Variants in ODAD2 observed in about 807,000 individuals in gnomAD.
ODAD2 encodes outer dynein arm docking complex subunit 2, also known as outer dynein arm-docking complex subunit 2.
A neutral mutation model predicts 106.8 loss-of-function variants in ODAD2; 89 were observed. That is an observed-to-expected ratio of 0.83 (90% CI 0.70 to 0.99). The LOEUF is 0.99. ODAD2 is among the 50% of genes least tolerant of loss of function. The pLI is 0.00. For synonymous variants in ODAD2, 404 were observed against 436.2 expected (o/e 0.93, Z 0.92); for missense variants, 1,168 against 1,238.5 (o/e 0.94, Z 0.85).
At chr10:27,820,859 T>G (rs990999994) in intron 19 of ODAD2, among the ~76,000 whole-genome samples, 1 of 149,872 alleles carries the variant, frequency 6.7e-6, no homozygotes, top group African/African-American at 2.5e-5. Context: ...CTCAGCTCAC[T>G]GCAACCTCTG....
At chr10:27,865,367 T>C (rs1183416804) in intron 17 of ODAD2, among the ~76,000 whole-genome samples, 1 of 152,230 alleles carries the variant, frequency 6.6e-6, no homozygotes, top group Non-Finnish European at 1.5e-5. Flanking sequence ...TCAGTTTTCA[T>C]GTCCTCAAAT....
At chr10:27,891,145 G>A (rs944073377) in intron 17 of ODAD2, among the ~76,000 whole-genome samples, 2 of 152,160 alleles carry the variant, frequency 1.3e-5, no homozygotes, top group Non-Finnish European at 2.9e-5. Context: ...AGAGGGTGAT[G>A]TCAAATTCCT....
rs544747633 is a variant in ODAD2, at chr10:27,824,800, T to C, written c.3022-12175A>G. On this transcript the variant is annotated intron_variant, in intron 19 of 19. Transcript: ENST00000305242. ...AATCTGTTGGCTGTCTGTATTCTGT[T>C]GTTAGATCCATTTTCTGAGAGACTA... 1.1e-4 allele frequency among the ~76,000 whole-genome samples: 16 copies of C among 152,326 alleles called. No homozygotes were observed. The South Asian group carries it at 3.1e-3, about 30-fold the overall frequency.
intron 17 of ODAD2, among the ~76,000 whole-genome samples, chr10:27,888,490 G>A (rs934687441): frequency 3.3e-5 from 5 of 151,978 alleles, no homozygotes; most frequent in African/African-American, 1.2e-4. Context: ...GTCTATTCAT[G>A]TTCTTTGCCC....
intron 19 of ODAD2, among the ~76,000 whole-genome samples, chr10:27,842,716 A>G (rs1838402817): frequency 1.3e-5 from 2 of 152,258 alleles, no homozygotes; most frequent in South Asian, 2.1e-4. Context: ...GAAAAAGTCA[A>G]GTCAGATGAT....
At chr10:27,935,526 GT>G (rs894528996) in intron 15 of ODAD2, among the ~76,000 whole-genome samples, 12 of 152,044 alleles carry the variant, frequency 7.9e-5, no homozygotes, top group East Asian at 3.9e-4. Context: ...CTCTACTAGG[GT>G]TTTTTCCCCC....
At chr10:27,952,240 C>T (rs1478237992) in intron 10 of ODAD2, among the ~76,000 whole-genome samples, 1 of 151,904 alleles carries the variant, frequency 6.6e-6, no homozygotes, top group Non-Finnish European at 1.5e-5. Flanking sequence ...AAAAAATTGT[C>T]AACCTCACTA....
chr10:27,965,993 G>C (rs1446551600), intron 9 of ODAD2, among the ~76,000 whole-genome samples: 1 of 152,122 alleles, frequency 6.6e-6, no homozygotes, highest in Non-Finnish European at 1.5e-5. Flanking sequence ...AACTCCCAGT[G>C]GGTTCTCGTC....
rs957393459 is a variant in ODAD2, at chr10:27,874,772, C to T, written c.2611-12150G>A. On this transcript the variant is annotated intron_variant, in intron 17 of 19. Transcript: ENST00000305242. ...TTTGTGTGTAACCCGAACTTTCTCT[C>T]TGGCTGCCCTTAACATTTTTTCCTT... Among the ~76,000 whole-genome samples, 5 of 152,316 alleles carry T rather than the reference C, an allele frequency of 3.3e-5. No individual in the cohort carries two copies. In the East Asian group the frequency reaches 7.7e-4, roughly 23 times the overall value.
chr10:27,819,631 G>A (rs990855250), intron 19 of ODAD2, among the ~76,000 whole-genome samples: 6 of 147,726 alleles, frequency 4.1e-5, no homozygotes, highest in Admixed American at 6.8e-5. Context: ...GGTCACGTGC[G>A]CCTGTAGTCT....
chr10:27,972,880 T>G (rs1292427325), intron 7 of ODAD2, among the ~76,000 whole-genome samples: 21 of 152,056 alleles, frequency 1.4e-4, no homozygotes, highest in Admixed American at 1.2e-3. Context: ...ATAGAAGATA[T>G]GAGCAACACA....
At chr10:27,943,787 C>T (rs1170115261) in intron 12 of ODAD2, among the ~76,000 whole-genome samples, 1 of 95,606 alleles carries the variant, frequency 1.0e-5, no homozygotes, top group Admixed American at 1.7e-4. Flanking sequence ...AGAAGTGAGG[C>T]TCTGTCTCAA....
intron 18 of ODAD2, among the ~76,000 whole-genome samples, chr10:27,861,668 T>C (rs1411040646): frequency 6.6e-6 from 1 of 152,178 alleles, no homozygotes; most frequent in Non-Finnish European, 1.5e-5. Context: ...GGGTCTTCCA[T>C]TTTCCTTTCT....
Position 27,937,284 on chromosome 10 carries a change from T to C in ODAD2, c.2098-404A>G, listed in dbSNP as rs534374438. Among the ~76,000 whole-genome samples, 6 of 152,194 alleles carry C rather than the reference T, an allele frequency of 3.9e-5. No homozygotes were observed. In the East Asian group the frequency reaches 7.7e-4, roughly 20 times the overall value. ...GATAGGGATTTGGTCAGCTCTTCAA[T>C]GGCCCCTGAAATCTAGAGACAAATA... On this transcript the variant is annotated intron_variant, in intron 14 of 19. Transcript: ENST00000305242.
chr10:27,988,737 T>A (rs901098387), intron 2 of ODAD2, among the ~76,000 whole-genome samples: 6 of 152,130 alleles, frequency 3.9e-5, no homozygotes, highest in African/African-American at 1.2e-4. Context: ...TACTTATTAC[T>A]GACGATCTCA....
chr10:27,969,330 T>G (rs1422381586), intron 8 of ODAD2, among the ~76,000 whole-genome samples: 2 of 151,980 alleles, frequency 1.3e-5, no homozygotes, highest in Non-Finnish European at 2.9e-5. Context: ...CAATTATAGT[T>G]TTCTATTTTC....
At chr10:27,822,467 T>C (rs1836689227) in intron 19 of ODAD2, among the ~76,000 whole-genome samples, 1 of 152,176 alleles carries the variant, frequency 6.6e-6, no homozygotes, top group South Asian at 2.1e-4. Flanking sequence ...TTCTCCTGTT[T>C]ACAAGGCATT....
intron 17 of ODAD2, among the ~76,000 whole-genome samples, chr10:27,890,662 G>T: frequency 6.6e-6 from 1 of 152,074 alleles, no homozygotes; most frequent in African/African-American, 2.4e-5. Flanking sequence ...ATAGATTTGA[G>T]CTATGGCCAG....
intron 15 of ODAD2, 112 bp from the exon 16 acceptor site, chr10:27,935,364 C>A: frequency 1.5e-6 from 2 of 1,336,236 alleles, no homozygotes; most frequent in Admixed American, 2.2e-5. Flanking sequence ...ATTATTAAAT[C>A]CCCATTACTG....
Sources: allele counts gnomAD v4.1 joint callset (sites outside exome capture counted in the v4.1 genomes callset), GRCh38; gene constraint gnomAD v4.1.1; transcripts MANE v1.5; gene names NCBI Gene and HGNC (gene_info 2026-07-23, HGNC 2026-07-21).